PGR: variants seen among roughly 807,000 people sequenced by gnomAD.
PGR encodes the protein nuclear receptor subfamily 3 group C member 3.
Under a neutral mutation model 76.1 loss-of-function variants are expected in PGR, and 25 were observed. The observed-to-expected ratio is 0.33, with a 90% CI of 0.24 to 0.46. The LOEUF (loss-of-function observed/expected upper bound fraction) is 0.46. Among genes scored for constraint, PGR ranks in the 20% least tolerant of loss-of-function variants. The pLI is 1.00. For missense variants in PGR, 1,172 were observed against 1,225.3 expected (o/e 0.96, Z 0.65); for synonymous variants, 579 against 535.0 (o/e 1.08, Z -1.14).
intron 2 of PGR, among the ~76,000 whole-genome samples, chr11:101,124,607 T>C (rs545886168): frequency 2.0e-5 from 3 of 152,276 alleles, no homozygotes; most frequent in Admixed American, 6.5e-5. Context: ...TAGGAGACTT[T>C]AAGAAGAGAG....
At chr11:101,097,357 G>A (rs1861865359) in intron 2 of PGR, among the ~76,000 whole-genome samples, 1 of 151,972 alleles carries the variant, frequency 6.6e-6, no homozygotes, top group Non-Finnish European at 1.5e-5. Context: ...CCCTCATCTG[G>A]TCTTACCTGA....
rs571702063 is a variant in PGR, at chr11:101,126,126, T to C, written c.1670A>G (p.Tyr557Cys). The change falls in exon 2 of 8, where the codon TAC (tyrosine) becomes TGC (cysteine). Residue 557 changes from tyrosine (Y) to cysteine (C), a missense_variant. This residue lies in a region of PGR where 893 missense variants were observed against 785.9 expected (regional missense o/e 1.14). Coordinates refer to ENST00000325455, the MANE Select transcript of PGR (RefSeq NM_000926.4). Reference sequence around the variant, plus strand: ...CTTCTGAGGTAATGACTCGAAGCTGTATTGTGGGCTCTGGCTGGCTTCTGA... The same window carrying C: ...CTTCTGAGGTAATGACTCGAAGCTGCATTGTGGGCTCTGGCTGGCTTCTGA... ...PDSEASQSPQ[Y>C]SFESLPQKIC... 3.1e-5 allele frequency: 50 copies of C among 1,614,130 alleles called. No individual in the cohort carries two copies. The South Asian group carries it at 5.4e-4, about 17-fold the overall frequency.
intron 4 of PGR, among the ~76,000 whole-genome samples, chr11:101,054,153 T>C (rs143958228): frequency 6.6e-6 from 1 of 152,218 alleles, no homozygotes; most frequent in African/African-American, 2.4e-5. Context: ...TAGCTTCTAT[T>C]CAGTGAACCC....
intron 4 of PGR, among the ~76,000 whole-genome samples, chr11:101,058,163 A>G (rs1860359649): frequency 6.6e-6 from 1 of 152,214 alleles, no homozygotes; most frequent in Non-Finnish European, 1.5e-5. Context: ...CAATAGTCCC[A>G]GAGGTAGGTG....
intron 6 of PGR, among the ~76,000 whole-genome samples, chr11:101,044,331 C>T (rs1412256513): frequency 6.6e-6 from 1 of 152,170 alleles, no homozygotes; most frequent in Non-Finnish European, 1.5e-5. Flanking sequence ...TCCTTCCTTA[C>T]ATCTCTTTGC....
intron 3 of PGR, among the ~76,000 whole-genome samples, chr11:101,084,345 T>C (rs1861419490): frequency 6.6e-6 from 1 of 152,100 alleles, no homozygotes; most frequent in Non-Finnish European, 1.5e-5. Context: ...AATGGACTAA[T>C]ACAATGTCCC....
Position 101,039,196 on chromosome 11 carries a change from T to C in PGR, c.2722A>G (p.Met908Val). ...TGTGCAGCAATAACTTCAGACATCA[T>C]TTCTGGAAATTCAACACTCAGTGCC... ...SRALSVEFPE[M>V]MSEVIAAQLP... The change falls in exon 8 of 8, where the codon ATG (methionine) becomes GTG (valine). Residue 908 changes from methionine to valine, a missense_variant. Physicochemically the swap from Met to Val is conservative, Grantham distance 21 (BLOSUM62 1). Around this residue, in one of 4 missense-constraint regions of PGR, gnomAD observed 166 missense variants for 296.0 expected, o/e 0.56. Coordinates refer to ENST00000325455, the MANE Select transcript of PGR (RefSeq NM_000926.4). The C allele has an allele frequency of 1.2e-6, 2 of 1,611,632 alleles. No individual in the cohort carries two copies. The highest frequency in any genetic ancestry group is 1.7e-6 in the Non-Finnish European group (2 of 1,178,094).
intron 6 of PGR, 105 bp downstream of exon 6, chr11:101,049,824 C>T (rs972714182): frequency 3.5e-6 from 3 of 862,240 alleles, no homozygotes; most frequent in Admixed American, 2.0e-5. Context: ...TACTTATAAT[C>T]CAAGACGTCT....
At position 101,127,825 on chromosome 11, in the gene PGR, C is replaced by A; in HGVS notation, c.1246G>T (p.Asp416Tyr). 1 of 1,577,360 alleles carries A rather than the reference C, an allele frequency of 6.3e-7. No individual in the cohort carries two copies. Among genetic ancestry groups the A allele is most frequent in the Non-Finnish European group, 8.6e-7 (1 of 1,169,086 alleles). Residue 416 changes from aspartate to tyrosine, a missense_variant, in exon 1 of 8, where the codon GAT becomes TAT. Transcript: ENST00000325455. ...VAGANPAAFP[D>Y]FPLGPPPPLP... is the part of the protein sequence containing the mutation. ...GGGGGCGGTGGCCCCAACGGGAAAT[C>A]CGGGAAGGCTGCGGGGTTGGCACCG... is the stretch of plus-strand genomic sequence containing the variant.
chr11:101,108,127 A>G (rs746990133), intron 2 of PGR, among the ~76,000 whole-genome samples: 1 of 151,486 alleles, frequency 6.6e-6, no homozygotes, highest in Non-Finnish European at 1.5e-5. Flanking sequence ...GGTGGTGGGC[A>G]CCTGTAATCC....
At position 101,062,088 on chromosome 11, in the gene PGR, G is replaced by C. The variant is rs532392395; in HGVS notation, c.2212+359C>G. ...GTTTTATTTTCAACCAAATGAGGTT[G>C]GTTGAATTAAGGGTTAGAATAAATA... On this transcript the variant is annotated intron_variant, in intron 4 of 7. Transcript: ENST00000325455. 4.6e-5 allele frequency among the ~76,000 whole-genome samples: 7 copies of C among 152,200 alleles called. No homozygotes were observed. In the East Asian group the frequency reaches 1.3e-3, roughly 29 times the overall value.
At chr11:101,112,600 G>A (rs951350951) in intron 2 of PGR, among the ~76,000 whole-genome samples, 11 of 152,182 alleles carry the variant, frequency 7.2e-5, no homozygotes, top group Admixed American at 6.5e-4. Context: ...AGTGCTGGCA[G>A]GCTGAGAAGA....
Position 101,045,695 on chromosome 11 carries a change from G to GTA in PGR, c.2489-3595_2489-3594dup, listed in dbSNP as rs1491013707. ...TGTGTGTGTGTGTGTGTGTGTGTGT[G>GTA]TATGTATGTATATGTGTGAGTACAT... On this transcript the variant is annotated intron_variant, in intron 6 of 7. Transcript: ENST00000325455. Among the ~76,000 whole-genome samples, 4 of 144,062 alleles carry GTA rather than the reference G, an allele frequency of 2.8e-5. No homozygotes were observed. The Admixed American group carries it at 2.8e-4, about 10-fold the overall frequency. 94.5% of individuals were successfully genotyped at this position (144,062 alleles called of 152,430 possible). A position where few individuals can be genotyped will look rare whatever the true frequency, so the allele number is the denominator to read the frequency against.
chr11:101,094,192 T>A (rs1421540953), intron 2 of PGR, among the ~76,000 whole-genome samples: 1 of 152,214 alleles, frequency 6.6e-6, no homozygotes, highest in Admixed American at 6.5e-5. Flanking sequence ...TTCCCCTTTT[T>A]TTGGTCCTCA....
chr11:101,042,209 C>G, intron 6 of PGR, 107 bp from the exon 7 acceptor site: 1 of 1,160,364 alleles, frequency 8.6e-7, no homozygotes. Flanking sequence ...ATACATGACT[C>G]TAGAAAAAAA....
intron 2 of PGR, among the ~76,000 whole-genome samples, chr11:101,120,654 C>A (rs1233690807): frequency 6.6e-6 from 1 of 152,042 alleles, no homozygotes; most frequent in Non-Finnish European, 1.5e-5. Flanking sequence ...TATTAACATA[C>A]CCCAGAGAAC....
In PGR at chr11:101,119,831, A is replaced by G. The variant is rs369850685; in HGVS notation, c.1789+6176T>C. Among the ~76,000 whole-genome samples, 7 of 152,346 alleles carry G rather than the reference A, an allele frequency of 4.6e-5. No individual in the cohort carries two copies. The East Asian group carries it at 1.4e-3, about 29-fold the overall frequency. ...TAATTAATATTTGCTCAAATACAAAACAGTCTAGGAAAACAGCACAGAAGC... is the reference window on the plus strand; with the variant it reads ...TAATTAATATTTGCTCAAATACAAAGCAGTCTAGGAAAACAGCACAGAAGC... On this transcript the variant is annotated intron_variant, in intron 2 of 7. Transcript: ENST00000325455.
At chr11:101,080,948 A>G (rs1231377559) in intron 3 of PGR, among the ~76,000 whole-genome samples, 1 of 152,176 alleles carries the variant, frequency 6.6e-6, no homozygotes, top group Non-Finnish European at 1.5e-5. Context: ...ATTATTTTAA[A>G]TGAGCTGTTT....
chr11:101,034,789 A>G lies in PGR; in HGVS notation c.*4327T>C, dbSNP rs1380543007. The stretch of plus-strand genomic sequence containing the variant: ...ACTAATCTGGCTTGGATTATATTTT[A>G]TAATATGGGTGAAGAGTCAGTTGTT... On this transcript the variant is annotated 3_prime_UTR_variant, in exon 8 of 8. Coordinates refer to ENST00000325455, the MANE Select transcript of PGR (RefSeq NM_000926.4). The G allele has an allele frequency of 5.7e-6, 1 of 176,978 alleles. No individual in the cohort carries two copies. Among genetic ancestry groups the G allele is most frequent in the Non-Finnish European group, 1.2e-5 (1 of 82,226 alleles). The allele number at this position is 176,978 out of a possible 1,614,324, so 11.0% of individuals were successfully genotyped here. A position where few individuals can be genotyped will look rare whatever the true frequency, so the allele number is the denominator to read the frequency against.
Sources: allele counts gnomAD v4.1 joint callset (sites outside exome capture counted in the v4.1 genomes callset), GRCh38; gene constraint gnomAD v4.1.1; regional missense constraint gnomAD v4.1.1; transcripts MANE v1.5; gene names NCBI Gene and HGNC (gene_info 2026-07-23, HGNC 2026-07-21).